MID2: variants seen among roughly 807,000 people sequenced by gnomAD.
MID2 encodes the protein midline 2.
In MID2, 13 loss-of-function variants were observed where a neutral mutation model predicts 46.1. The observed-to-expected ratio is 0.28, with a 90% CI of 0.18 to 0.45. The LOEUF (loss-of-function observed/expected upper bound fraction) is 0.45, where lower values mean the gene tolerates loss of function less well. MID2 is among the 20% of genes least tolerant of loss of function. The pLI is 1.00. For synonymous variants in MID2, 199 were observed against 212.3 expected, an observed-to-expected ratio of 0.94 and a Z score of 0.55; for missense variants, 431 against 575.4, an observed-to-expected ratio of 0.75 and a Z score of 2.57.
intron 3 of MID2, among the ~76,000 whole-genome samples, chrX:107,875,063 C>A (rs1411071926): frequency 9.0e-6 from 1 of 111,591 alleles, no homozygotes; most frequent in East Asian, 2.8e-4. Context: ...AGTCTCTTGA[C>A]AATGCCTGCC....
chrX:107,916,520 AG>A (rs1398858780), intron 6 of MID2, among the ~76,000 whole-genome samples: 1 of 112,131 alleles, frequency 8.9e-6, no homozygotes, highest in Non-Finnish European at 1.9e-5. Flanking sequence ...AAGGAAAATT[AG>A]GAGTTAGTAG....
At chrX:107,863,999 T>C (rs377619671) in intron 3 of MID2, among the ~76,000 whole-genome samples, 4 of 112,556 alleles carry the variant, frequency 3.6e-5, no homozygotes, top group South Asian at 3.7e-4. Flanking sequence ...AGTGAGGAAC[T>C]TGAAGGCCAG....
At chrX:107,876,959 G>T (rs1932215045) in intron 3 of MID2, among the ~76,000 whole-genome samples, 1 of 111,231 alleles carries the variant, frequency 9.0e-6, no homozygotes, top group Non-Finnish European at 1.9e-5. Flanking sequence ...TCTAGGAGGG[G>T]GCAAGTGAGA....
Position 107,917,704 on chromosome X carries a change from C to T in MID2, c.1400C>T (p.Ala467Val). ...CCAGAGATAAGGAAATGTAAGGAAG[C>T]AGTAAGCTGCTCAAGATTGGCCGGG... ...LWPEIRKCKEAVSCSRLAGAP... is the reference protein window; with the variant it reads ...LWPEIRKCKEVVSCSRLAGAP... Residue 467 changes from alanine (A) to valine (V), a missense_variant, in exon 7 of 10, where the codon GCA (alanine) becomes GTA (valine). Coordinates refer to ENST00000262843, the MANE Select transcript of MID2 (RefSeq NM_012216.4). The T allele has an allele frequency of 8.3e-7, 1 of 1,211,936 alleles. No homozygotes were observed. Among genetic ancestry groups the T allele is most frequent in the Non-Finnish European group, 1.1e-6 (1 of 895,465 alleles).
chrX:107,910,073 C>A (rs963771234), intron 5 of MID2, among the ~76,000 whole-genome samples: 1 of 111,788 alleles, frequency 8.9e-6, no homozygotes, highest in Non-Finnish European at 1.9e-5. Flanking sequence ...TGATTATATT[C>A]ACACTGCTGC....
chrX:107,874,162 G>A (rs1003037141), intron 3 of MID2, among the ~76,000 whole-genome samples: 6 of 111,778 alleles, frequency 5.4e-5, no homozygotes, highest in African/African-American at 6.5e-5. Flanking sequence ...TGGTCACATA[G>A]GTCTGTACTA....
intron 5 of MID2, among the ~76,000 whole-genome samples, chrX:107,907,191 G>A (rs980114197): frequency 2.7e-5 from 3 of 112,168 alleles, no homozygotes; most frequent in African/African-American, 9.7e-5. Context: ...AAAGAGGTTG[G>A]TACTACTGCA....
intron 1 of MID2, among the ~76,000 whole-genome samples, chrX:107,838,132 T>C (rs1303308234): frequency 8.9e-6 from 1 of 112,411 alleles, no homozygotes; most frequent in Non-Finnish European, 1.9e-5. Flanking sequence ...TAGGCTTGGA[T>C]GGTGATATTC....
Position 107,924,479 on chromosome X carries a change from T to C in MID2, c.1572T>C (p.Ser524=). The change falls in exon 8 of 10, where the codon AGT becomes AGC. Residue 524 remains serine (S), a synonymous_variant. Transcript: ENST00000262843. ...TAAACCAAGCCGGCAGCCGGAACAG[T>C]GAACCTACCCGACTAAAAACAAACA... ...KAINQAGSRN[S]EPTRLKTNSQ... is the part of the protein sequence containing the mutation. 2 of 1,211,457 alleles carry C rather than the reference T, an allele frequency of 1.7e-6. No individual in the cohort carries two copies. The highest frequency in any genetic ancestry group is 2.2e-6 in the Non-Finnish European group (2 of 895,264).
chrX:107,915,299 G>A (rs1032551590), intron 5 of MID2, among the ~76,000 whole-genome samples: 3 of 112,221 alleles, frequency 2.7e-5, no homozygotes, highest in African/African-American at 9.7e-5. Context: ...GCTAGCTCAT[G>A]TAATTCCAGC....
intron 3 of MID2, among the ~76,000 whole-genome samples, chrX:107,879,887 A>G (rs1932284933): frequency 9.0e-6 from 1 of 110,508 alleles, no homozygotes; most frequent in African/African-American, 3.3e-5. Flanking sequence ...ATTATTCTGT[A>G]TGATGCAAAG....
At chrX:107,876,505 C>T (rs140426432) in intron 3 of MID2, among the ~76,000 whole-genome samples, 767 of 111,149 alleles carry the variant, frequency 6.9e-3, no homozygotes, top group Admixed American at 0.012. Flanking sequence ...AGGCTTAGTT[C>T]TGGTCCTACG....
At chrX:107,829,342 T>A (rs1371549566) in intron 1 of MID2, among the ~76,000 whole-genome samples, 1 of 112,059 alleles carries the variant, frequency 8.9e-6, no homozygotes, top group East Asian at 2.8e-4. Flanking sequence ...CCAATACATG[T>A]TCAACTGAAT....
chrX:107,845,519 A>ACTCTCTCTCTCTCT (rs1462079221), intron 2 of MID2, among the ~76,000 whole-genome samples: 2 of 82,133 alleles, frequency 2.4e-5, no homozygotes, highest in African/African-American at 1.8e-4. Flanking sequence ...ACACACACAC[A>ACTCTCTCTCTCTCT]CACACACTCT....
In MID2 at chrX:107,826,035, C is replaced by A; in HGVS notation, c.-392C>A. The A allele has an allele frequency of 3.4e-6, 1 of 293,703 alleles. No individual in the cohort carries two copies. Among genetic ancestry groups the A allele is most frequent in the Non-Finnish European group, 6.0e-6 (1 of 167,747 alleles). 24.2% of individuals were successfully genotyped at this position (293,703 alleles called of 1,213,427 possible). A position where few individuals can be genotyped will look rare whatever the true frequency, so the allele number is the denominator to read the frequency against. On this transcript the variant is annotated 5_prime_UTR_variant, in exon 1 of 10. Transcript: ENST00000262843. The stretch of plus-strand genomic sequence containing the variant: ...TGTCAGCCCCAGCCCCGTTTGCCCC[C>A]ACTCCGCCTCCCTTTTGGAAGGGAT...
Position 107,927,069 on chromosome X carries a change from A to G in MID2, c.2204A>G (p.His735Arg), listed in dbSNP as rs775405277. Reference sequence around the variant, plus strand: ...TATGTTTCTGGGATGAAAACCTGTCATTAAGTTTCAGGAGAGTATATAATT... The same window carrying G: ...TATGTTTCTGGGATGAAAACCTGTCGTTAAGTTTCAGGAGAGTATATAATT... ...SPYVSGMKTC[H>R] The change falls in exon 10 of 10, where the codon CAT becomes CGT. Residue 735 changes from histidine (H) to arginine (R), a missense_variant. His to Arg is a conservative substitution (Grantham distance 29, BLOSUM62 0). Transcript: ENST00000262843. The G allele has an allele frequency of 1.3e-5, 15 of 1,199,332 alleles. No homozygotes were observed. Among genetic ancestry groups the G allele is most frequent in the Non-Finnish European group, 1.6e-5 (14 of 888,646 alleles).
In MID2 at chrX:107,930,627, G is replaced by A. The variant is rs977872408; in HGVS notation, c.*3554G>A. Among the ~76,000 whole-genome samples, 1 of 111,984 alleles carries A rather than the reference G, an allele frequency of 8.9e-6. No homozygotes were observed. The highest frequency in any genetic ancestry group is 2.8e-4 in the East Asian group (1 of 3,574). On this transcript the variant is annotated 3_prime_UTR_variant, in exon 10 of 10. Coordinates refer to ENST00000262843, the MANE Select transcript of MID2 (RefSeq NM_012216.4). ...CATGGTGACAAAGTACTTAGTGGGGGTGCGATGGGCCCCAGATATTTACTT... is the reference window on the plus strand; with the variant it reads ...CATGGTGACAAAGTACTTAGTGGGGATGCGATGGGCCCCAGATATTTACTT...
intron 2 of MID2, among the ~76,000 whole-genome samples, chrX:107,843,524 T>C: frequency 1.8e-5 from 2 of 111,887 alleles, no homozygotes; most frequent in Middle Eastern, 4.6e-3. Context: ...GTGCAGAAAA[T>C]TCTGATTATA....
At chrX:107,901,065 GCAA>G (rs1401581122) in intron 3 of MID2, 1 of 112,098 alleles carries the variant, frequency 8.9e-6, no homozygotes, top group African/African-American at 3.2e-5. Flanking sequence ...CGAGGTTTTT[GCAA>G]CAACAGTCCT....
Sources: allele counts gnomAD v4.1 joint callset (sites outside exome capture counted in the v4.1 genomes callset), GRCh38; gene constraint gnomAD v4.1.1; transcripts MANE v1.5; gene names NCBI Gene and HGNC (gene_info 2026-07-23, HGNC 2026-07-21).